ESR1: variants seen among roughly 807,000 people sequenced by gnomAD.
ESR1 encodes estrogen receptor 1.
A neutral mutation model predicts 52.7 loss-of-function variants in ESR1; 12 were observed. That is an observed-to-expected ratio of 0.23 (90% CI 0.15 to 0.37). The LOEUF (loss-of-function observed/expected upper bound fraction) is 0.37. ESR1 is among the 10% of genes least tolerant of loss of function. ESR1 has a pLI of 1.00. For missense variants in ESR1, 584 were observed against 779.7 expected (o/e 0.75, Z 2.99); for synonymous variants, 305 against 316.8 (o/e 0.96, Z 0.39).
At chr6:151,858,946 A>G (rs1017081687) in intron 2 of ESR1, among the ~76,000 whole-genome samples, 2 of 152,196 alleles carry the variant, frequency 1.3e-5, no homozygotes, top group African/African-American at 2.4e-5. Context: ...TTCAGTTACC[A>G]GTTAAGTGGG....
At chr6:151,718,226 A>G (rs1781197303) in intron 2 of ESR1, among the ~76,000 whole-genome samples, 1 of 152,218 alleles carries the variant, frequency 6.6e-6, no homozygotes. Flanking sequence ...CTTCTTGTCT[A>G]TGAATTAGTA....
rs562408359 is a variant in ESR1 at position 151,967,647 on chromosome 6, G to A, written c.1096+23139G>A. Among the ~76,000 whole-genome samples, 101 of 152,254 alleles carry A rather than the reference G, an allele frequency of 6.6e-4. No homozygotes were observed. The East Asian group carries it at 0.017, about 25-fold the overall frequency. ...GTGAATAGTGCCACAATAAACATAC[G>A]TGTTCATGTGTCTTTATAGTAGAAT... On this transcript the variant is annotated intron_variant, in intron 4 of 7. Coordinates refer to ENST00000206249, the MANE Select transcript of ESR1 (RefSeq NM_000125.4).
chr6:152,029,592 A>G (rs1274364839), intron 5 of ESR1, among the ~76,000 whole-genome samples: 1 of 152,222 alleles, frequency 6.6e-6, no homozygotes, highest in African/African-American at 2.4e-5. Flanking sequence ...GTTTAGAGAA[A>G]GAAGAATAAA....
chr6:151,675,444 A>AG (rs1414629928), intron 1 of ESR1, among the ~76,000 whole-genome samples: 1 of 152,142 alleles, frequency 6.6e-6, no homozygotes, highest in African/African-American at 2.4e-5. Flanking sequence ...CAAGAGGGTT[A>AG]GGGGAACTAT....
intron 2 of ESR1, among the ~76,000 whole-genome samples, chr6:151,759,089 A>T (rs1005658878): frequency 2.0e-5 from 3 of 151,838 alleles, no homozygotes; most frequent in African/African-American, 7.3e-5. Flanking sequence ...ATCCTGGCCA[A>T]CATGGTGACA....
intron 2 of ESR1, among the ~76,000 whole-genome samples, chr6:151,711,088 A>G (rs1423774714): frequency 6.6e-6 from 1 of 152,174 alleles, no homozygotes; most frequent in African/African-American, 2.4e-5. Flanking sequence ...GCTGGGTCAA[A>G]CGGTATTTCT....
At chr6:151,718,326 C>T (rs1781206473) in intron 2 of ESR1, among the ~76,000 whole-genome samples, 1 of 152,164 alleles carries the variant, frequency 6.6e-6, no homozygotes, top group Non-Finnish European at 1.5e-5. Flanking sequence ...TAAATTATAA[C>T]CAAGAGTTGC....
chr6:151,755,241 CAA>C, intron 2 of ESR1, among the ~76,000 whole-genome samples: 1 of 142,064 alleles, frequency 7.0e-6, no homozygotes, highest in East Asian at 2.0e-4. Context: ...AAACCAAAAC[CAA>C]AAAAAAAAAG....
At chr6:151,904,723 G>T (rs1433372757) in intron 3 of ESR1, among the ~76,000 whole-genome samples, 1 of 152,136 alleles carries the variant, frequency 6.6e-6, no homozygotes, top group East Asian at 1.9e-4. Flanking sequence ...AACTTGTTAT[G>T]TTTACTCTAG....
intron 3 of ESR1, among the ~76,000 whole-genome samples, chr6:151,933,172 C>A (rs2033906735): frequency 6.6e-6 from 1 of 151,504 alleles, no homozygotes; most frequent in Non-Finnish European, 1.5e-5. Flanking sequence ...TCCTTCACAT[C>A]CCTTGTAAGT....
chr6:151,991,593 A>G (rs1264946117), intron 4 of ESR1, among the ~76,000 whole-genome samples: 1 of 152,146 alleles, frequency 6.6e-6, no homozygotes, highest in African/African-American at 2.4e-5. Context: ...TTAGGAAGAG[A>G]AAATTTCACA....
intron 4 of ESR1, among the ~76,000 whole-genome samples, chr6:151,980,796 C>CG (rs1396902174): frequency 6.6e-6 from 1 of 152,104 alleles, no homozygotes; most frequent in Non-Finnish European, 1.5e-5. Context: ...CTCCGCCTCC[C>CG]GGGTTCAAGC....
intron 2 of ESR1, among the ~76,000 whole-genome samples, chr6:151,752,962 A>T (rs1784007379): frequency 6.6e-6 from 1 of 152,214 alleles, no homozygotes; most frequent in South Asian, 2.1e-4. Flanking sequence ...TAATTTTTTA[A>T]AAGAGCCAAG....
chr6:151,939,515 A>G (rs1383165598), intron 3 of ESR1, among the ~76,000 whole-genome samples: 1 of 152,190 alleles, frequency 6.6e-6, no homozygotes, highest in African/African-American at 2.4e-5. Context: ...TGTATGTTCC[A>G]TAGTGACACA....
chr6:151,934,367 G>A (rs553165838), intron 3 of ESR1, among the ~76,000 whole-genome samples: 48 of 152,214 alleles, frequency 3.2e-4, no homozygotes, highest in African/African-American at 9.6e-4. Flanking sequence ...AAAATATGAC[G>A]TTGTGAGGAT....
intron 2 of ESR1, among the ~76,000 whole-genome samples, chr6:151,702,392 A>G (rs1779863489): frequency 1.3e-5 from 2 of 152,218 alleles, no homozygotes; most frequent in South Asian, 4.1e-4. Context: ...TCAGAGCTTT[A>G]CCATAGTTTC....
chr6:151,996,842 A>G (rs1353229889), intron 4 of ESR1, among the ~76,000 whole-genome samples: 1 of 152,178 alleles, frequency 6.6e-6, no homozygotes, highest in Non-Finnish European at 1.5e-5. Flanking sequence ...GAGCAAATCC[A>G]TAAGTGCCAC....
At chr6:151,927,677 G>A (rs2032963914) in intron 3 of ESR1, among the ~76,000 whole-genome samples, 1 of 151,726 alleles carries the variant, frequency 6.6e-6, no homozygotes, top group Admixed American at 6.6e-5. Flanking sequence ...GACCAGTCGT[G>A]GTGACTTCTC....
chr6:151,678,041 T>G (rs2115280903), intron 1 of ESR1, among the ~76,000 whole-genome samples: 1 of 152,342 alleles, frequency 6.6e-6, no homozygotes, highest in East Asian at 1.9e-4. Context: ...TGTCATGGTT[T>G]GGTTTGATTA....
Sources: gnomAD v4.1 joint callset for allele counts (sites outside exome capture counted in the v4.1 genomes callset) on GRCh38, gnomAD v4.1.1 for gene constraint, MANE v1.5 for transcripts, NCBI Gene and HGNC (gene_info 2026-07-23, HGNC 2026-07-21) for gene names.